Variants in GALNT10 observed in about 807,000 individuals in gnomAD.
The protein encoded by GALNT10 is polypeptide N-acetylgalactosaminyltransferase 10.
Under a neutral mutation model 75.0 loss-of-function variants are expected in GALNT10, and 41 were observed. That is an observed-to-expected ratio of 0.55 (90% confidence interval 0.43 to 0.71). The LOEUF is 0.71. GALNT10 is among the 30% of genes least tolerant of loss of function. The pLI is 0.00. For missense variants in GALNT10, 727 were observed against 818.5 expected (o/e 0.89, Z 1.36); for synonymous variants, 302 against 313.0 (o/e 0.96, Z 0.37).
At chr5:154,247,489 A>G (rs1753447108) in intron 1 of GALNT10, among the ~76,000 whole-genome samples, 2 of 152,100 alleles carry the variant, frequency 1.3e-5, no homozygotes, top group Non-Finnish European at 2.9e-5. Context: ...TATTTCATTG[A>G]GCAGTCGTTT....
At chr5:154,211,960 G>A (rs1650073880) in intron 1 of GALNT10, among the ~76,000 whole-genome samples, 1 of 152,122 alleles carries the variant, frequency 6.6e-6, no homozygotes, top group South Asian at 2.1e-4. Context: ...TTAGAAGTGA[G>A]TCATGAAGTT....
intron 7 of GALNT10, among the ~76,000 whole-genome samples, chr5:154,400,342 G>C (rs572466066): frequency 1.1e-4 from 17 of 152,258 alleles, no homozygotes; most frequent in African/African-American, 4.1e-4. Context: ...GTGGTGCAGA[G>C]GTGATCACTG....
At chr5:154,235,767 A>C (rs1561636826) in intron 1 of GALNT10, among the ~76,000 whole-genome samples, 1 of 152,180 alleles carries the variant, frequency 6.6e-6, no homozygotes. Flanking sequence ...CCCGTTAATA[A>C]CACAAGTTGG....
intron 1 of GALNT10, among the ~76,000 whole-genome samples, chr5:154,252,078 G>A (rs975144093): frequency 3.9e-5 from 6 of 152,016 alleles, no homozygotes; most frequent in African/African-American, 1.4e-4. Flanking sequence ...TCTTACCCAT[G>A]TTATACACAC....
In GALNT10 at chr5:154,190,840, G is replaced by A; in HGVS notation, c.-27G>A. The A allele has an allele frequency of 8.6e-7, 1 of 1,158,706 alleles. No individual in the cohort carries two copies. Among genetic ancestry groups the A allele is most frequent in the South Asian group, 4.0e-5 (1 of 25,026 alleles). 71.8% of individuals were successfully genotyped at this position (1,158,706 alleles called of 1,614,324 possible). ...CTGGGGGCGGCGCGGCGGGGCCGGCGGGGCGCGGCGGGGCTGACCGGCCCC... is the reference window on the plus strand; with the variant it reads ...CTGGGGGCGGCGCGGCGGGGCCGGCAGGGCGCGGCGGGGCTGACCGGCCCC... On this transcript the variant is annotated 5_prime_UTR_variant, in exon 1 of 12. Transcript: ENST00000297107.
At chr5:154,192,826 C>T (rs1774879991) in intron 1 of GALNT10, among the ~76,000 whole-genome samples, 1 of 152,088 alleles carries the variant, frequency 6.6e-6, no homozygotes, top group Admixed American at 6.5e-5. Flanking sequence ...TCTGCCTCTG[C>T]TTGGAGAAAG....
rs1427617420 is a variant in GALNT10 at position 154,204,089 on chromosome 5, GAGGCAGGAGCCTGACTCCTC to G, written c.159+13068_159+13087del. Among the ~76,000 whole-genome samples the G allele has an allele frequency of 3.3e-5, 5 of 152,314 alleles. No individual in the cohort carries two copies. In the South Asian group the frequency reaches 6.2e-4, roughly 19 times the overall value. On this transcript the variant is annotated intron_variant, in intron 1 of 11. Transcript: ENST00000297107. ...TCATGATGAAAGAGCCCTGGGTTTTGAGGCAGGAGCCTGACTCCTCAGGTAGGAGCCACCTTGAGTTGCTT... is the reference window on the plus strand; with the variant it reads ...TCATGATGAAAGAGCCCTGGGTTTTGAGGTAGGAGCCACCTTGAGTTGCTT...
intron 1 of GALNT10, among the ~76,000 whole-genome samples, chr5:154,242,498 C>T (rs1375629320): frequency 6.6e-6 from 1 of 152,208 alleles, no homozygotes; most frequent in Non-Finnish European, 1.5e-5. Context: ...CTCTTTGGTG[C>T]ATCTGCCCAG....
chr5:154,210,037 C>G (rs74396105), intron 1 of GALNT10, among the ~76,000 whole-genome samples: 3 of 152,206 alleles, frequency 2.0e-5, no homozygotes, highest in East Asian at 3.9e-4. Context: ...CCTGTTTGGA[C>G]TTTGGAATTG....
intron 4 of GALNT10, among the ~76,000 whole-genome samples, chr5:154,358,259 G>A (rs181657391): frequency 4.6e-5 from 7 of 152,292 alleles, no homozygotes; most frequent in Non-Finnish European, 8.8e-5. Flanking sequence ...CGTGTCTCTA[G>A]TAAATGCAAA....
intron 1 of GALNT10, among the ~76,000 whole-genome samples, chr5:154,217,607 A>G (rs1752894690): frequency 6.6e-6 from 1 of 152,200 alleles, no homozygotes; most frequent in Admixed American, 6.5e-5. Flanking sequence ...ATTAAAATCA[A>G]TGAAAGTTCC....
chr5:154,396,200 G>A (rs1443511679), intron 7 of GALNT10, among the ~76,000 whole-genome samples: 3 of 135,390 alleles, frequency 2.2e-5, no homozygotes, highest in Non-Finnish European at 3.1e-5. Context: ...ACCAGATCAT[G>A]TATGAATGAA....
intron 1 of GALNT10, among the ~76,000 whole-genome samples, chr5:154,191,431 T>TCCCCCCCCCC (rs1446489673): frequency 5.4e-5 from 3 of 55,080 alleles, no homozygotes; most frequent in African/African-American, 2.2e-4. Flanking sequence ...GCTTCCCTCC[T>TCCCCCCCCCC]CCCACCCCCC....
chr5:154,333,421 T>C (rs767739774), intron 4 of GALNT10, among the ~76,000 whole-genome samples: 102 of 152,172 alleles, frequency 6.7e-4, no homozygotes, highest in Non-Finnish European at 1.2e-3. Context: ...TAAATTACTT[T>C]CCCATTGTAT....
intron 1 of GALNT10, among the ~76,000 whole-genome samples, chr5:154,268,212 C>T (rs573127124): frequency 2.6e-5 from 4 of 152,130 alleles, no homozygotes; most frequent in African/African-American, 9.7e-5. Context: ...AGTCCCTACC[C>T]GTGAAGAGTT....
chr5:154,310,762 G>A (rs528187273), intron 3 of GALNT10, among the ~76,000 whole-genome samples: 4 of 152,266 alleles, frequency 2.6e-5, no homozygotes, highest in South Asian at 4.1e-4. Context: ...GTGAGCCACC[G>A]TGCCTGGCCA....
chr5:154,360,962 C>T (rs1269943641), intron 4 of GALNT10, among the ~76,000 whole-genome samples: 1 of 152,184 alleles, frequency 6.6e-6, no homozygotes, highest in Non-Finnish European at 1.5e-5. Context: ...GATACTCACA[C>T]ATACTTAAGA....
At chr5:154,191,852 T>C (rs1294897121) in intron 1 of GALNT10, among the ~76,000 whole-genome samples, 1 of 152,270 alleles carries the variant, frequency 6.6e-6, no homozygotes, top group African/African-American at 2.4e-5. Context: ...TTGTAGTGTT[T>C]ATTGCAGCCA....
At chr5:154,276,158 A>G (rs1420670790) in intron 1 of GALNT10, among the ~76,000 whole-genome samples, 1 of 152,208 alleles carries the variant, frequency 6.6e-6, no homozygotes, top group South Asian at 2.1e-4. Flanking sequence ...AGGGTCTGAC[A>G]AGGCCAAAAT....
Sources: allele counts gnomAD v4.1 joint callset (sites outside exome capture counted in the v4.1 genomes callset), GRCh38; gene constraint gnomAD v4.1.1; transcripts MANE v1.5; gene names NCBI Gene and HGNC (gene_info 2026-07-23, HGNC 2026-07-21).